The following ST6GALNAC3 variants were observed in gnomAD, a reference collection of about 807,000 sequenced individuals.
ST6GALNAC3 encodes the protein alpha-N-acetylgalactosaminide alpha-2,6-sialyltransferase 3.
A neutral mutation model predicts 32.7 loss-of-function variants in ST6GALNAC3; 25 were observed. That is an observed-to-expected ratio of 0.76 (90% CI 0.56 to 1.07). The LOEUF (loss-of-function observed/expected upper bound fraction) is 1.07, where lower values mean the gene tolerates loss of function less well. ST6GALNAC3 is among the 50% of genes least tolerant of loss of function. ST6GALNAC3 has a pLI of 0.00. For synonymous variants in ST6GALNAC3, 129 were observed against 133.1 expected (o/e 0.97, Z 0.21); for missense variants, 355 against 382.4 (o/e 0.93, Z 0.60).
At chr1:76,154,493 G>T (rs182196521) in intron 1 of ST6GALNAC3, among the ~76,000 whole-genome samples, 18 of 152,320 alleles carry the variant, frequency 1.2e-4, no homozygotes, top group Admixed American at 2.6e-4. Flanking sequence ...GTCTGGAAAC[G>T]CCTGTTGCAA....
chr1:76,525,791 G>GTGTATGTATATATATATATA (rs1438917629), intron 3 of ST6GALNAC3, among the ~76,000 whole-genome samples: 1 of 75,530 alleles, frequency 1.3e-5, no homozygotes, highest in Non-Finnish European at 3.0e-5. Flanking sequence ...GTGTGTGTGT[G>GTGTATGTATATATATATATA]TATATATATA....
At chr1:76,268,362 A>C (rs1658651864) in intron 1 of ST6GALNAC3, among the ~76,000 whole-genome samples, 1 of 152,222 alleles carries the variant, frequency 6.6e-6, no homozygotes, top group South Asian at 2.1e-4. Context: ...ATGATGCTTG[A>C]TGCAGATTTA....
At chr1:76,311,186 T>C (rs1006590586) in intron 1 of ST6GALNAC3, among the ~76,000 whole-genome samples, 1 of 152,138 alleles carries the variant, frequency 6.6e-6, no homozygotes, top group East Asian at 1.9e-4. Flanking sequence ...TCCTAACTAG[T>C]CACTGCCTAC....
chr1:76,388,487 A>G (rs1032968461), intron 2 of ST6GALNAC3, among the ~76,000 whole-genome samples: 5 of 152,196 alleles, frequency 3.3e-5, no homozygotes, highest in African/African-American at 1.2e-4. Context: ...TCTTTTGAAA[A>G]ACAGGGTCTG....
intron 2 of ST6GALNAC3, among the ~76,000 whole-genome samples, chr1:76,362,962 C>T (rs1325914991): frequency 1.3e-5 from 2 of 152,208 alleles, no homozygotes; most frequent in Non-Finnish European, 2.9e-5. Flanking sequence ...CTAGGCAGTG[C>T]CCCAGCAGGG....
intron 1 of ST6GALNAC3, among the ~76,000 whole-genome samples, chr1:76,089,255 G>A (rs566072753): frequency 1.7e-4 from 26 of 152,048 alleles, no homozygotes; most frequent in Non-Finnish European, 2.6e-4. Context: ...GTTTCACTGT[G>A]TTAGCCAGGA....
chr1:76,336,430 T>A (rs1456551604), intron 2 of ST6GALNAC3, among the ~76,000 whole-genome samples: 1 of 152,140 alleles, frequency 6.6e-6, no homozygotes, highest in African/African-American at 2.4e-5. Context: ...CAAACAGTAA[T>A]GTATTTTTGT....
chr1:76,519,480 T>C (rs1662377877), intron 3 of ST6GALNAC3, among the ~76,000 whole-genome samples: 3 of 152,152 alleles, frequency 2.0e-5, no homozygotes, highest in African/African-American at 4.8e-5. Context: ...GAACCTTTCT[T>C]TGAAATGTGA....
At chr1:76,521,715 T>G (rs1340106495) in intron 3 of ST6GALNAC3, among the ~76,000 whole-genome samples, 1 of 152,200 alleles carries the variant, frequency 6.6e-6, no homozygotes, top group Non-Finnish European at 1.5e-5. Context: ...TTCATATTTA[T>G]TTTTGAGATA....
intron 3 of ST6GALNAC3, among the ~76,000 whole-genome samples, chr1:76,562,517 C>A (rs779840490): frequency 2.6e-5 from 4 of 152,140 alleles, no homozygotes; most frequent in African/African-American, 7.2e-5. Context: ...CCACTTTCAC[C>A]CACTTGAGCG....
chr1:76,108,085 G>A (rs557642039), intron 1 of ST6GALNAC3, among the ~76,000 whole-genome samples: 41 of 152,132 alleles, frequency 2.7e-4, no homozygotes, highest in Non-Finnish European at 5.3e-4. Flanking sequence ...ACTGTGACAC[G>A]GTCAGCTGAC....
intron 2 of ST6GALNAC3, among the ~76,000 whole-genome samples, chr1:76,379,037 A>G (rs1292710441): frequency 6.6e-6 from 1 of 152,154 alleles, no homozygotes; most frequent in Non-Finnish European, 1.5e-5. Flanking sequence ...AGCTGGGACT[A>G]CAGGTGCCTG....
In ST6GALNAC3 at chr1:76,411,286, A is replaced by G. The variant is rs149889362; in HGVS notation, c.214-722A>G. Among the ~76,000 whole-genome samples, 444 of 152,228 alleles carry G rather than the reference A, an allele frequency of 2.9e-3. 2 individuals are homozygous for G. Among genetic ancestry groups the G allele is most frequent in the Non-Finnish European group, 5.3e-3 (362 of 67,994 alleles). ...TGATGCTTAACTTCCACGAGTCTCT[A>G]TTATCTCCGTGGTTAAATAAAAAGG... On this transcript the variant is annotated intron_variant, in intron 2 of 4. Transcript: ENST00000328299.
At chr1:76,471,962 A>G (rs537504160) in intron 3 of ST6GALNAC3, among the ~76,000 whole-genome samples, 1 of 152,162 alleles carries the variant, frequency 6.6e-6, no homozygotes, top group Non-Finnish European at 1.5e-5. Flanking sequence ...AAGTGCTTCT[A>G]AGGGCCAAAG....
intron 3 of ST6GALNAC3, among the ~76,000 whole-genome samples, chr1:76,470,094 T>C (rs1420957928): frequency 1.3e-5 from 2 of 152,126 alleles, no homozygotes; most frequent in Non-Finnish European, 2.9e-5. Flanking sequence ...TTACTTTCTG[T>C]TCCCTATTGA....
intron 1 of ST6GALNAC3, among the ~76,000 whole-genome samples, chr1:76,205,775 A>G (rs1161698200): frequency 1.3e-5 from 2 of 152,204 alleles, no homozygotes; most frequent in Non-Finnish European, 2.9e-5. Context: ...AAGAATTGAG[A>G]ATGAATACCT....
At chr1:76,174,623 C>T (rs529209833) in intron 1 of ST6GALNAC3, among the ~76,000 whole-genome samples, 35 of 151,096 alleles carry the variant, frequency 2.3e-4, no homozygotes, top group African/African-American at 8.0e-4. Flanking sequence ...GATTTTTTTC[C>T]ATGTCAATAA....
At chr1:76,335,935 T>C (rs1647436041) in intron 2 of ST6GALNAC3, among the ~76,000 whole-genome samples, 1 of 152,242 alleles carries the variant, frequency 6.6e-6, no homozygotes, top group South Asian at 2.1e-4. Flanking sequence ...TCTTGCTTGC[T>C]ATTTTCAATT....
chr1:76,542,020 T>C (rs1347960151), intron 3 of ST6GALNAC3, among the ~76,000 whole-genome samples: 2 of 152,234 alleles, frequency 1.3e-5, no homozygotes, highest in Admixed American at 1.3e-4. Flanking sequence ...TGCTGTTTAC[T>C]ATTACAATCA....
Sources: gnomAD v4.1 joint callset for allele counts (sites outside exome capture counted in the v4.1 genomes callset) on GRCh38, gnomAD v4.1.1 for gene constraint, MANE v1.5 for transcripts, NCBI Gene and HGNC (gene_info 2026-07-23, HGNC 2026-07-21) for gene names.